Variants in TASP1 observed in about 807,000 individuals in gnomAD.
TASP1 encodes taspase 1.
A neutral mutation model predicts 56.6 loss-of-function variants in TASP1; 16 were observed. The observed-to-expected ratio is 0.28, with a 90% CI of 0.19 to 0.43. The LOEUF is 0.43. TASP1 is among the 20% of genes least tolerant of loss of function. The pLI, the probability that TASP1 is intolerant of heterozygous loss-of-function variation, is 1.00. For missense variants in TASP1, 393 were observed against 511.6 expected (o/e 0.77, Z 2.24); for synonymous variants, 179 against 184.2 (o/e 0.97, Z 0.23).
At chr20:13,394,155 ATG>A (rs2041412614) in intron 13 of TASP1, among the ~76,000 whole-genome samples, 1 of 150,972 alleles carries the variant, frequency 6.6e-6, no homozygotes, top group Non-Finnish European at 1.5e-5. Flanking sequence ...GTGGTGGTGC[ATG>A]CCTGTAATCC....
chr20:13,158,698 A>C, the TASP1 span, among the ~76,000 whole-genome samples: 1 of 152,210 alleles, frequency 6.6e-6, no homozygotes, highest in Non-Finnish European at 1.5e-5. Context: ...AGTTGAAATC[A>C]AAGGGCTAAT....
the TASP1 span, among the ~76,000 whole-genome samples, chr20:13,238,334 A>G: frequency 1.3e-5 from 2 of 152,166 alleles, no homozygotes; most frequent in Non-Finnish European, 2.9e-5. Context: ...CATTAATGAG[A>G]GGCAATCTAC....
intron 12 of TASP1, among the ~76,000 whole-genome samples, chr20:13,428,990 T>A (rs1385893972): frequency 6.6e-6 from 1 of 152,198 alleles, no homozygotes; most frequent in Non-Finnish European, 1.5e-5. Flanking sequence ...TAGTTCACAA[T>A]CTGGTGGTAT....
chr20:13,569,314 G>A (rs763366521), intron 7 of TASP1, among the ~76,000 whole-genome samples, 193 bp downstream of exon 7: 2 of 152,014 alleles, frequency 1.3e-5, no homozygotes, highest in Admixed American at 6.6e-5. Context: ...GCATAAGGAA[G>A]CAGTGAGAAG....
chr20:13,462,243 C>T (rs1764268884), intron 11 of TASP1, among the ~76,000 whole-genome samples: 1 of 152,124 alleles, frequency 6.6e-6, no homozygotes, highest in African/African-American at 2.4e-5. Flanking sequence ...AAAGCCACTG[C>T]ACTTGTACAT....
At chr20:13,152,333 T>G in the TASP1 span, among the ~76,000 whole-genome samples, 1 of 152,206 alleles carries the variant, frequency 6.6e-6, no homozygotes, top group Admixed American at 6.5e-5. Context: ...ATTACTATTG[T>G]CCTTTAGAGG....
chr20:13,325,002 G>A, the TASP1 span, among the ~76,000 whole-genome samples: 1 of 152,176 alleles, frequency 6.6e-6, no homozygotes. Context: ...TATCCTGTTA[G>A]TGCAGCTATT....
At chr20:13,510,700 C>A (rs2044294982) in intron 10 of TASP1, among the ~76,000 whole-genome samples, 1 of 152,158 alleles carries the variant, frequency 6.6e-6, no homozygotes, top group Admixed American at 6.5e-5. Flanking sequence ...GGAAGACACA[C>A]TATATTCCTC....
At chr20:13,133,777 G>A in the TASP1 span, among the ~76,000 whole-genome samples, 1 of 152,066 alleles carries the variant, frequency 6.6e-6, no homozygotes, top group Non-Finnish European at 1.5e-5. Context: ...TTACGTACAG[G>A]GATGGTCCAG....
the TASP1 span, among the ~76,000 whole-genome samples, chr20:13,112,732 T>G: frequency 2.0e-5 from 3 of 152,288 alleles, no homozygotes; most frequent in African/African-American, 7.2e-5. Flanking sequence ...CATTCACAGA[T>G]AGGTAACAGG....
the TASP1 span, among the ~76,000 whole-genome samples, chr20:13,233,368 G>A: frequency 6.6e-6 from 1 of 152,190 alleles, no homozygotes; most frequent in East Asian, 1.9e-4. Context: ...GGCCAAGGCG[G>A]GTGGATCACC....
At chr20:13,198,433 G>A in the TASP1 span, among the ~76,000 whole-genome samples, 1 of 152,100 alleles carries the variant, frequency 6.6e-6, no homozygotes, top group African/African-American at 2.4e-5. Flanking sequence ...ATCTCATCTT[G>A]AGGGCTCCAT....
chr20:13,473,378 C>T (rs1372063411), intron 11 of TASP1, among the ~76,000 whole-genome samples: 1 of 151,990 alleles, frequency 6.6e-6, no homozygotes, highest in African/African-American at 2.4e-5. Context: ...AGGAGAAATA[C>T]CTCATGTAAA....
At chr20:13,450,921 G>C (rs1247637611) in intron 11 of TASP1, among the ~76,000 whole-genome samples, 1 of 152,060 alleles carries the variant, frequency 6.6e-6, no homozygotes, top group Non-Finnish European at 1.5e-5. Context: ...TTCATCAGAA[G>C]AATCACTATC....
At chr20:13,369,506 C>T in the TASP1 span, among the ~76,000 whole-genome samples, 1 of 152,122 alleles carries the variant, frequency 6.6e-6, no homozygotes, top group Non-Finnish European at 1.5e-5. Flanking sequence ...CCTAGGTGGG[C>T]TTATCTGTAT....
At chr20:13,618,718 C>T (rs1406487339) in intron 4 of TASP1, among the ~76,000 whole-genome samples, 6 of 152,092 alleles carry the variant, frequency 3.9e-5, no homozygotes, top group African/African-American at 4.8e-5. Context: ...TAGCATCTCC[C>T]CTGACCATAG....
At chr20:13,160,154 G>C in the TASP1 span, 1 of 1,609,338 alleles carries the variant, frequency 6.2e-7, no homozygotes, top group Non-Finnish European at 8.5e-7. Context: ...ACAGGCCAAC[G>C]GGATCTCAGT....
chr20:13,612,190 G>A (rs984392811), intron 4 of TASP1, among the ~76,000 whole-genome samples: 3 of 152,104 alleles, frequency 2.0e-5, no homozygotes, highest in African/African-American at 7.2e-5. Flanking sequence ...TCTACCAAGT[G>A]TCAACTCACC....
chr20:13,508,181 T>A (rs1009420522), intron 10 of TASP1, among the ~76,000 whole-genome samples: 3 of 144,192 alleles, frequency 2.1e-5, no homozygotes, highest in African/African-American at 5.1e-5. Flanking sequence ...GACAAATGTG[T>A]TGGAAATGAT....
Sources: gnomAD v4.1 joint callset for allele counts (sites outside exome capture counted in the v4.1 genomes callset) on GRCh38, gnomAD v4.1.1 for gene constraint, MANE v1.5 for transcripts, NCBI Gene and HGNC (gene_info 2026-07-23, HGNC 2026-07-21) for gene names.